Variants in PDE3A observed in about 807,000 individuals in gnomAD.
PDE3A encodes phosphodiesterase 3A.
Under a neutral mutation model 98.3 loss-of-function variants are expected in PDE3A, and 43 were observed. That is an observed-to-expected ratio of 0.44 (90% confidence interval 0.34 to 0.56). The LOEUF (loss-of-function observed/expected upper bound fraction) is 0.56, where lower values mean the gene tolerates loss of function less well. Among genes scored for constraint, PDE3A ranks in the 20% least tolerant of loss-of-function variants. The pLI is 0.01. For missense variants in PDE3A, 1,427 were observed against 1,440.7 expected (o/e 0.99, Z 0.15); for synonymous variants, 663 against 567.9 (o/e 1.17, Z -2.38).
intron 1 of PDE3A, among the ~76,000 whole-genome samples, chr12:20,399,849 G>C (rs10841506): frequency 0.19 from 29,536 of 152,084 alleles, 3,043 homozygotes; most frequent in Admixed American, 0.28. Flanking sequence ...ATATGACAAG[G>C]CTTTTACAAA....
chr12:20,642,169 T>C (rs1944659599), intron 10 of PDE3A, among the ~76,000 whole-genome samples: 2 of 152,122 alleles, frequency 1.3e-5, no homozygotes, highest in Middle Eastern at 3.3e-3. Flanking sequence ...TTTAATATGA[T>C]AATGTGTGCA....
intron 15 of PDE3A, among the ~76,000 whole-genome samples, chr12:20,661,497 G>T (rs944846643): frequency 6.6e-5 from 10 of 152,164 alleles, no homozygotes; most frequent in Non-Finnish European, 1.3e-4. Context: ...TCCCATCACA[G>T]GCCTAGGGGC....
chr12:20,637,250 T>C lies in PDE3A; in HGVS notation c.2139+13T>C. ...TATTCTTAGTCAGGTAAGAAATGCA[T>C]TCATTCACACTAATTTAAATATAGG... On this transcript the variant is annotated intron_variant, in intron 9 of 15. Coordinates refer to ENST00000359062, the MANE Select transcript of PDE3A (RefSeq NM_000921.5). 1 of 1,583,636 alleles carries C rather than the reference T, an allele frequency of 6.3e-7. No individual in the cohort carries two copies. Among genetic ancestry groups the C allele is most frequent in the Non-Finnish European group, 8.6e-7 (1 of 1,157,910 alleles).
intron 1 of PDE3A, among the ~76,000 whole-genome samples, chr12:20,405,349 T>C (rs1944213690): frequency 6.6e-6 from 1 of 152,154 alleles, no homozygotes; most frequent in Non-Finnish European, 1.5e-5. Flanking sequence ...ACCTTCATCC[T>C]CTTCCAGTCC....
At chr12:20,395,648 G>A (rs963320254) in intron 1 of PDE3A, among the ~76,000 whole-genome samples, 5 of 144,370 alleles carry the variant, frequency 3.5e-5, no homozygotes, top group Middle Eastern at 3.4e-3. Context: ...TATACACATA[G>A]TATTATATAT....
intron 13 of PDE3A, among the ~76,000 whole-genome samples, chr12:20,649,922 G>A (rs1944875403): frequency 6.7e-6 from 1 of 148,920 alleles, no homozygotes; most frequent in Non-Finnish European, 1.5e-5. Flanking sequence ...GCAAGACTCT[G>A]TCTCAAAAAA....
intron 1 of PDE3A, among the ~76,000 whole-genome samples, chr12:20,385,750 G>A (rs1943744508): frequency 6.7e-6 from 1 of 150,122 alleles, no homozygotes; most frequent in Non-Finnish European, 1.5e-5. Flanking sequence ...AAGAACACTT[G>A]GACACAGGAA....
intron 1 of PDE3A, among the ~76,000 whole-genome samples, chr12:20,502,276 T>C (rs945756065): frequency 5.9e-5 from 9 of 152,106 alleles, no homozygotes; most frequent in Non-Finnish European, 1.2e-4. Flanking sequence ...CTTTTTATTA[T>C]CTAAAATGTA....
intron 2 of PDE3A, among the ~76,000 whole-genome samples, chr12:20,581,644 G>T (rs1245782743): frequency 7.6e-6 from 1 of 132,158 alleles, no homozygotes; most frequent in Non-Finnish European, 1.5e-5. Flanking sequence ...ACGGAGTCTC[G>T]CTCTGTCGCC....
chr12:20,587,888 G>C (rs1349395001), intron 2 of PDE3A, among the ~76,000 whole-genome samples: 2 of 152,144 alleles, frequency 1.3e-5, no homozygotes, highest in African/African-American at 4.8e-5. Flanking sequence ...GATAGAAAAA[G>C]GCTTTAAAGT....
chr12:20,636,497 G>A (rs868668675), intron 8 of PDE3A, among the ~76,000 whole-genome samples: 3 of 152,042 alleles, frequency 2.0e-5, no homozygotes, highest in South Asian at 2.1e-4. Flanking sequence ...TTACTTTTAC[G>A]TAGTACATGT....
Position 20,680,370 on chromosome 12 carries a change from A to G in PDE3A, c.*99A>G. 1.7e-6 allele frequency: 2 copies of G among 1,175,398 alleles called. No individual in the cohort carries two copies. The highest frequency in any genetic ancestry group is 2.4e-6 in the Non-Finnish European group (2 of 829,608). The allele number at this position is 1,175,398 out of a possible 1,614,324, so 72.8% of individuals were successfully genotyped here. A position where few individuals can be genotyped will look rare whatever the true frequency, so the allele number is the denominator to read the frequency against. ...AGACACAACACTGTAGAAATTTGAGATGGGCAAATGGCTATTGCATTTTGG... is the reference window on the plus strand; with the variant it reads ...AGACACAACACTGTAGAAATTTGAGGTGGGCAAATGGCTATTGCATTTTGG... On this transcript the variant is annotated 3_prime_UTR_variant, in exon 16 of 16. Coordinates refer to ENST00000359062, the MANE Select transcript of PDE3A (RefSeq NM_000921.5).
At chr12:20,578,975 A>G (rs1943003409) in intron 2 of PDE3A, among the ~76,000 whole-genome samples, 1 of 152,146 alleles carries the variant, frequency 6.6e-6, no homozygotes, top group South Asian at 2.1e-4. Flanking sequence ...TTTGTATGCT[A>G]ATAACTACAC....
chr12:20,562,710 G>A (rs1942559524), intron 2 of PDE3A, among the ~76,000 whole-genome samples: 2 of 152,092 alleles, frequency 1.3e-5, no homozygotes, highest in African/African-American at 4.8e-5. Context: ...AAACTAGCAA[G>A]TTTTTAGTTA....
intron 15 of PDE3A, among the ~76,000 whole-genome samples, chr12:20,679,130 A>C (rs1945707819): frequency 6.6e-6 from 1 of 152,252 alleles, no homozygotes; most frequent in Non-Finnish European, 1.5e-5. Flanking sequence ...AAGTGGTTGC[A>C]AAGAACATTT....
Position 20,680,930 on chromosome 12 carries a change from A to C in PDE3A, c.*659A>C, listed in dbSNP as rs555876095. On this transcript the variant is annotated 3_prime_UTR_variant, in exon 16 of 16. Coordinates refer to ENST00000359062, the MANE Select transcript of PDE3A (RefSeq NM_000921.5). ...CTTGTGTGCATGTGTGTGCATATGTAAAGAGATTTTTGTGGTTTAAGTAAC... is the reference window on the plus strand; with the variant it reads ...CTTGTGTGCATGTGTGTGCATATGTCAAGAGATTTTTGTGGTTTAAGTAAC... The C allele has an allele frequency of 2.6e-5, 4 of 152,108 alleles. No homozygotes were observed. Among genetic ancestry groups the C allele is most frequent in the African/African-American group, 9.7e-5 (4 of 41,402 alleles). The allele number at this position is 152,108 out of a possible 1,614,324, so 9.4% of individuals were successfully genotyped here. A position where few individuals can be genotyped will look rare whatever the true frequency, so the allele number is the denominator to read the frequency against.
intron 1 of PDE3A, among the ~76,000 whole-genome samples, chr12:20,402,368 C>T (rs940774133): frequency 1.3e-5 from 2 of 151,880 alleles, no homozygotes; most frequent in Admixed American, 6.6e-5. Flanking sequence ...AGACTGGTCT[C>T]GAACTCCTGG....
chr12:20,369,210 TGC>T lies in PDE3A; in HGVS notation c.-63_-62del, dbSNP rs59008318. 4.9e-3 allele frequency: 3,950 copies of T among 798,892 alleles called. 60 individuals carry two copies. In the African/African-American group the frequency reaches 0.052, roughly 11 times the overall value. The allele number at this position is 798,892 out of a possible 1,614,324, so 49.5% of individuals were successfully genotyped here. A position where few individuals can be genotyped will look rare whatever the true frequency, so the allele number is the denominator to read the frequency against. On this transcript the variant is annotated 5_prime_UTR_variant, in exon 1 of 16. Coordinates refer to ENST00000359062, the MANE Select transcript of PDE3A (RefSeq NM_000921.5). ...GCGTGCGTGTGTGTGTGTGTGTGTG[TGC>T]GCGCGCGCGCGTGGGTCGGGGCGGG... is the stretch of plus-strand genomic sequence containing the variant.
intron 13 of PDE3A, among the ~76,000 whole-genome samples, 193 bp downstream of exon 13, chr12:20,649,084 C>G (rs1944854933): frequency 7.1e-6 from 1 of 141,570 alleles, no homozygotes; most frequent in Non-Finnish European, 1.5e-5. Context: ...TGCCACCACG[C>G]CTGCCTAATT....
Sources: gnomAD v4.1 joint callset for allele counts (sites outside exome capture counted in the v4.1 genomes callset) on GRCh38, gnomAD v4.1.1 for gene constraint, MANE v1.5 for transcripts, NCBI Gene and HGNC (gene_info 2026-07-23, HGNC 2026-07-21) for gene names.